RTN4R: variants seen among roughly 807,000 people sequenced by gnomAD.
The protein encoded by RTN4R is reticulon 4 receptor, also known as reticulon-4 receptor.
Under a neutral mutation model 27.7 loss-of-function variants are expected in RTN4R, and 4 were observed. The observed-to-expected ratio is 0.14, with a 90% CI of 0.07 to 0.33. RTN4R has a LOEUF of 0.33. Ranked by LOEUF, RTN4R falls within the 10% of genes least tolerant of loss-of-function variation. The probability of loss-of-function intolerance (pLI) is 1.00; values close to 1 mark genes in which losing one functional copy is unlikely to be tolerated. For missense variants in RTN4R, 554 were observed against 671.5 expected (o/e 0.83, Z 1.93); for synonymous variants, 290 against 305.6 (o/e 0.95, Z 0.53).
At chr22:20,259,467 C>A (rs2051231970) in intron 1 of RTN4R, among the ~76,000 whole-genome samples, 2 of 152,252 alleles carry the variant, frequency 1.3e-5, no homozygotes, top group South Asian at 4.1e-4. Context: ...ATGTGTCAGG[C>A]CGAGGGAGCA....
chr22:20,262,671 A>G (rs112100299), intron 1 of RTN4R, among the ~76,000 whole-genome samples: 1 of 152,026 alleles, frequency 6.6e-6, no homozygotes. Context: ...GACTCTAGGC[A>G]TTTTCCCACT....
chr22:20,251,353 C>T (rs559783127), intron 1 of RTN4R, among the ~76,000 whole-genome samples: 5 of 152,118 alleles, frequency 3.3e-5, no homozygotes, highest in Non-Finnish European at 5.9e-5. Context: ...AAAGGGAGTG[C>T]GGTCCCTCCT....
chr22:20,252,329 T>C (rs1417807006), intron 1 of RTN4R, among the ~76,000 whole-genome samples: 3 of 152,222 alleles, frequency 2.0e-5, no homozygotes, highest in Non-Finnish European at 4.4e-5. Context: ...GCAGAGGCCC[T>C]GGCCCAAGGA....
chr22:20,253,508 A>G (rs2051196004), intron 1 of RTN4R, among the ~76,000 whole-genome samples: 1 of 152,194 alleles, frequency 6.6e-6, no homozygotes, highest in Non-Finnish European at 1.5e-5. Flanking sequence ...ACACCCAGAG[A>G]AAGGGGTTCC....
rs141098462 is a variant in RTN4R at position 20,246,778 on chromosome 22, C to T, written c.23-3668G>A. ...AGCACAGGGCAGGCAGCTGTGGAGG[C>T]GCCGAGCACCGGCTTTCATCCACGC... On this transcript the variant is annotated intron_variant, in intron 1 of 1. Transcript: ENST00000043402. Among the ~76,000 whole-genome samples the T allele has an allele frequency of 9.3e-4, 142 of 152,364 alleles. 2 individuals are homozygous for T. The East Asian group carries it at 0.025, about 27-fold the overall frequency.
intron 1 of RTN4R, among the ~76,000 whole-genome samples, chr22:20,254,445 A>G (rs1230671086): frequency 6.7e-6 from 1 of 149,360 alleles, no homozygotes; most frequent in Non-Finnish European, 1.5e-5. Context: ...CACACAACAA[A>G]GAAGATGCAC....
At chr22:20,264,501 C>A (rs1254182375) in intron 1 of RTN4R, among the ~76,000 whole-genome samples, 3 of 152,130 alleles carry the variant, frequency 2.0e-5, no homozygotes, top group Non-Finnish European at 2.9e-5. Flanking sequence ...TAGAGATGCC[C>A]GATGCCAAGG....
At chr22:20,265,390 C>T (rs1029759674) in intron 1 of RTN4R, among the ~76,000 whole-genome samples, 4 of 152,220 alleles carry the variant, frequency 2.6e-5, no homozygotes, top group African/African-American at 7.2e-5. Context: ...AGGGCCCCAG[C>T]CCCTGTAGGG....
In RTN4R at chr22:20,242,370, G is replaced by A; in HGVS notation, c.763C>T (p.Leu255=). The A allele has an allele frequency of 6.2e-7, 1 of 1,612,956 alleles. No homozygotes were observed. The highest frequency in any genetic ancestry group is 8.5e-7 in the Non-Finnish European group (1 of 1,179,900). Residue 255 remains leucine (L), a synonymous_variant, in exon 2 of 2, where the codon CTG becomes TTG. Coordinates refer to ENST00000043402, the MANE Select transcript of RTN4R (RefSeq NM_023004.6). The stretch of plus-strand genomic sequence containing the variant: ...ACCCAGGGGTTGTCGTTGAGCCTCA[G>A]GTACTGCAGGGCACGCAGGGGGGCC... ...ALAPLRALQY[L]RLNDNPWVCD...
At chr22:20,249,675 G>A (rs762229081) in intron 1 of RTN4R, among the ~76,000 whole-genome samples, 2 of 152,206 alleles carry the variant, frequency 1.3e-5, no homozygotes, top group African/African-American at 4.8e-5. Context: ...GCTGGGATGC[G>A]AGCCCCTCCC....
At chr22:20,249,310 C>T (rs1024426308) in intron 1 of RTN4R, 5 of 475,418 alleles carry the variant, frequency 1.1e-5, no homozygotes, top group Non-Finnish European at 2.2e-5. Flanking sequence ...CCTCCCATGC[C>T]CATCTGCCTG....
At chr22:20,256,585 G>A (rs1403614877) in intron 1 of RTN4R, among the ~76,000 whole-genome samples, 2 of 152,172 alleles carry the variant, frequency 1.3e-5, no homozygotes, top group Non-Finnish European at 2.9e-5. Flanking sequence ...GGCAGCCCCT[G>A]GGCCAGGCCT....
intron 1 of RTN4R, among the ~76,000 whole-genome samples, chr22:20,251,908 A>ATCATC (rs755546352): frequency 0.019 from 20 of 1,028 alleles, 5 homozygotes; most frequent in African/African-American, 0.025. Context: ...CATCATCACC[A>ATCATC]CTATCCTTAT....
rs9618763 is a variant in RTN4R at position 20,265,027 on chromosome 22, G to A, written c.22+3044C>T. ...TCTTGACCCCTTTCCCAGGTGCACA[G>A]ACCAAGGCTCCCGGTGAGAGGTTCC... is the stretch of plus-strand genomic sequence containing the variant. On this transcript the variant is annotated intron_variant, in intron 1 of 1. Coordinates refer to ENST00000043402, the MANE Select transcript of RTN4R (RefSeq NM_023004.6). Among the ~76,000 whole-genome samples the A allele has an allele frequency of 8.0e-3, 1,213 of 152,338 alleles. 6 individuals carry two copies. Among genetic ancestry groups the A allele is most frequent in the African/African-American group, 0.028 (1,145 of 41,570 alleles).
Position 20,242,697 on chromosome 22 carries a change from C to T in RTN4R, c.436G>A (p.Gly146Ser). The T allele has an allele frequency of 6.2e-7, 1 of 1,612,484 alleles. No individual in the cohort carries two copies. The highest frequency in any genetic ancestry group is 8.5e-7 in the Non-Finnish European group (1 of 1,179,658). ...GCCAGGCCGCGGAACAGCCCCGGGC[C>T]CAGCTCCTGCAGGCCGCAGCGGTCC... is the stretch of plus-strand genomic sequence containing the variant. ...HLDRCGLQEL[G>S]PGLFRGLAAL... The change falls in exon 2 of 2, where the codon GGC becomes AGC. Residue 146 changes from glycine to serine, a missense_variant. Physicochemically the swap from Gly to Ser is moderately conservative, Grantham distance 56 (BLOSUM62 0). This residue lies in a region of RTN4R where 413 missense variants were observed against 542.3 expected (regional missense o/e 0.76). Coordinates refer to ENST00000043402, the MANE Select transcript of RTN4R (RefSeq NM_023004.6).
intron 1 of RTN4R, among the ~76,000 whole-genome samples, chr22:20,263,780 G>C (rs2051261207): frequency 6.6e-6 from 1 of 152,260 alleles, no homozygotes; most frequent in Admixed American, 6.5e-5. Flanking sequence ...TCCACCTCCT[G>C]GTCTGGCTGC....
Position 20,241,744 on chromosome 22 carries a change from C to G in RTN4R, c.1389G>C (p.Ala463=). The G allele has an allele frequency of 6.4e-7, 1 of 1,551,192 alleles. No homozygotes were observed. Among genetic ancestry groups the G allele is most frequent in the Non-Finnish European group, 8.7e-7 (1 of 1,147,372 alleles). The stretch of plus-strand genomic sequence containing the variant: ...GCCCAAGCACTGTCCACAGCACCAG[C>G]GCCAGGCCCAGGGGGGTGAGGCTGC... The part of the protein sequence containing the change: ...LTCSLTPLGL[A]LVLWTVLGPC The change falls in exon 2 of 2, where the codon GCG becomes GCC. Residue 463 remains alanine (A), a synonymous_variant. Transcript: ENST00000043402.
chr22:20,259,232 C>T (rs1006205160), intron 1 of RTN4R, among the ~76,000 whole-genome samples: 6 of 152,204 alleles, frequency 3.9e-5, no homozygotes, highest in Non-Finnish European at 5.9e-5. Context: ...AGAATGGACT[C>T]CATTAGGGCC....
At position 20,242,421 on chromosome 22, in the gene RTN4R, G is replaced by A; in HGVS notation, c.712C>T (p.Leu238=). The A allele has an allele frequency of 6.2e-7, 1 of 1,613,434 alleles. No homozygotes were observed. Among genetic ancestry groups the A allele is most frequent in the East Asian group, 2.2e-5 (1 of 44,876 alleles). ...AGGGCCTCAGTGGGCAGCGCTGATA[G>A]ATTGTTGGCAAACAGATAGAGTGTC... is the stretch of plus-strand genomic sequence containing the variant. ...LMTLYLFANN[L]SALPTEALAP... The change falls in exon 2 of 2, where the codon CTA becomes TTA. Residue 238 remains leucine, a synonymous_variant. Transcript: ENST00000043402.
Sources: allele counts gnomAD v4.1 joint callset (sites outside exome capture counted in the v4.1 genomes callset), GRCh38; gene constraint gnomAD v4.1.1; regional missense constraint gnomAD v4.1.1; transcripts MANE v1.5; gene names NCBI Gene and HGNC (gene_info 2026-07-23, HGNC 2026-07-21).